The following DCAF6 variants were observed in gnomAD, a reference collection of about 807,000 sequenced individuals.
DCAF6 encodes DDB1 and CUL4 associated factor 6.
DCAF6 carries 54 observed loss-of-function variants against 125.1 expected under a neutral mutation model. That is an observed-to-expected ratio of 0.43 (90% CI 0.35 to 0.54). The LOEUF (loss-of-function observed/expected upper bound fraction) is 0.54, where lower values mean the gene tolerates loss of function less well. Ranked by LOEUF, DCAF6 falls within the 20% of genes least tolerant of loss-of-function variation. DCAF6 has a pLI of 0.01. For synonymous variants in DCAF6, 371 were observed against 390.4 expected, an observed-to-expected ratio of 0.95 and a Z score of 0.58; for missense variants, 934 against 1,161.7, an observed-to-expected ratio of 0.80 and a Z score of 2.85.
At chr1:167,933,523 T>G (rs2102561376), upstream of DCAF6, among the ~76,000 whole-genome samples, 1 of 152,314 alleles carries the variant, frequency 6.6e-6, no homozygotes, top group South Asian at 2.1e-4. Flanking sequence ...AAATTAAATC[T>G]CAAAAATCTA....
At chr1:167,899,175 A>G in the DCAF6 span, among the ~76,000 whole-genome samples, 1 of 152,156 alleles carries the variant, frequency 6.6e-6, no homozygotes, top group Non-Finnish European at 1.5e-5. Flanking sequence ...AAAAGGCCTC[A>G]ATCCCCAAAT....
chr1:167,954,678 T>G (rs1188227783), intron 2 of DCAF6, among the ~76,000 whole-genome samples: 1 of 151,904 alleles, frequency 6.6e-6, no homozygotes, highest in Non-Finnish European at 1.5e-5. Flanking sequence ...GGTCTCGATC[T>G]CCTGACCTCA....
chr1:167,877,559 C>A, the DCAF6 span, among the ~76,000 whole-genome samples: 1 of 151,988 alleles, frequency 6.6e-6, no homozygotes, highest in Non-Finnish European at 1.5e-5. Flanking sequence ...GTATACCAAG[C>A]ACTGGGGATA....
At chr1:167,904,069 C>G in the DCAF6 span, 1 of 771,978 alleles carries the variant, frequency 1.3e-6, no homozygotes, top group African/African-American at 1.8e-5. Flanking sequence ...CCCTGGAAGG[C>G]AGCGGGCCTC....
At chr1:167,879,491 C>T in the DCAF6 span, among the ~76,000 whole-genome samples, 1 of 152,108 alleles carries the variant, frequency 6.6e-6, no homozygotes. Flanking sequence ...ATATACCCAT[C>T]ACCCCATCCC....
chr1:167,877,707 A>C, the DCAF6 span, among the ~76,000 whole-genome samples: 1 of 152,188 alleles, frequency 6.6e-6, no homozygotes, highest in African/African-American at 2.4e-5. Flanking sequence ...AAGGAAGAGG[A>C]AGAAGGAAGA....
intron 11 of DCAF6, among the ~76,000 whole-genome samples, chr1:168,016,694 CA>C (rs1685018797): frequency 6.6e-6 from 1 of 151,958 alleles, no homozygotes; most frequent in Non-Finnish European, 1.5e-5. Context: ...ATTAATAGCA[CA>C]AAATAATTTG....
the DCAF6 span, among the ~76,000 whole-genome samples, chr1:167,907,402 A>G: frequency 5.3e-5 from 8 of 152,192 alleles, no homozygotes; most frequent in Non-Finnish European, 8.8e-5. Context: ...TGTGGGTTGT[A>G]TGGGGTTCTC....
the DCAF6 span, chr1:167,918,197 G>C: frequency 1.5e-6 from 1 of 662,662 alleles, no homozygotes; most frequent in South Asian, 2.4e-5. Context: ...ATTGAATCAA[G>C]AACTAGCTAC....
the DCAF6 span, among the ~76,000 whole-genome samples, chr1:167,866,815 G>C: frequency 2.0e-5 from 3 of 149,032 alleles, no homozygotes; most frequent in Admixed American, 2.0e-4. Flanking sequence ...TTTTAACCCA[G>C]ACTGTAGGGC....
the DCAF6 span, among the ~76,000 whole-genome samples, chr1:167,875,909 C>T: frequency 1.3e-5 from 2 of 151,788 alleles, no homozygotes; most frequent in African/African-American, 4.8e-5. Flanking sequence ...GCCGAGATCG[C>T]ACCACTGCAC....
At chr1:167,938,977 T>C (rs1671808276) in intron 1 of DCAF6, among the ~76,000 whole-genome samples, 2 of 152,194 alleles carry the variant, frequency 1.3e-5, no homozygotes, top group Non-Finnish European at 2.9e-5. Context: ...GTTCTTTATC[T>C]TAAATAATAT....
intron 3 of DCAF6, among the ~76,000 whole-genome samples, chr1:167,969,996 C>T (rs552836899): frequency 1.2e-4 from 18 of 152,194 alleles, no homozygotes; most frequent in Non-Finnish European, 2.4e-4. Flanking sequence ...AGGCTGGTCT[C>T]GAACTCCTGA....
At chr1:167,942,284 G>C (rs1672368710) in intron 1 of DCAF6, among the ~76,000 whole-genome samples, 1 of 150,246 alleles carries the variant, frequency 6.7e-6, no homozygotes, top group Non-Finnish European at 1.5e-5. Flanking sequence ...GGCTGGTCTC[G>C]AACTCCTGAC....
upstream of DCAF6, among the ~76,000 whole-genome samples, chr1:167,932,372 G>C (rs568979833): frequency 9.9e-5 from 15 of 152,234 alleles, no homozygotes; most frequent in African/African-American, 3.4e-4. Context: ...AACGTTACTG[G>C]AAGTTCTATA....
rs142733157 is a variant in DCAF6 at position 167,958,878 on chromosome 1, T to A, written c.159+7017T>A. Among the ~76,000 whole-genome samples the A allele has an allele frequency of 2.1e-3, 316 of 152,354 alleles. 2 individuals are homozygous for A. The highest frequency in any genetic ancestry group is 7.1e-3 in the African/African-American group (295 of 41,582). On this transcript the variant is annotated intron_variant, in intron 2 of 21. Coordinates refer to ENST00000367840, the MANE Select transcript of DCAF6 (RefSeq NM_001198956.2). ...GCTGTATTTCATGAGCCTACATTAATACATCATAATCCATCCAAAGTCCAT... is the reference window on the plus strand; with the variant it reads ...GCTGTATTTCATGAGCCTACATTAAAACATCATAATCCATCCAAAGTCCAT...
At chr1:167,953,692 C>T (rs1411014906) in intron 2 of DCAF6, among the ~76,000 whole-genome samples, 3 of 151,714 alleles carry the variant, frequency 2.0e-5, no homozygotes, top group Admixed American at 6.6e-5. Flanking sequence ...CTCCGTCTCC[C>T]GGGTTCAAGC....
At chr1:167,944,708 C>T (rs1672797845) in intron 1 of DCAF6, among the ~76,000 whole-genome samples, 1 of 152,032 alleles carries the variant, frequency 6.6e-6, no homozygotes, top group Non-Finnish European at 1.5e-5. Context: ...ATATTAGTCC[C>T]CTGTTGGATG....
chr1:167,992,422 G>C (rs1680985168), intron 6 of DCAF6, among the ~76,000 whole-genome samples: 1 of 152,116 alleles, frequency 6.6e-6, no homozygotes, highest in African/African-American at 2.4e-5. Flanking sequence ...TTTCTTTTCG[G>C]AACTGTGATA....
Sources: gnomAD v4.1 joint callset for allele counts (sites outside exome capture counted in the v4.1 genomes callset) on GRCh38, gnomAD v4.1.1 for gene constraint, MANE v1.5 for transcripts, NCBI Gene and HGNC (gene_info 2026-07-23, HGNC 2026-07-21) for gene names.